WDR36: variants seen among roughly 807,000 people sequenced by gnomAD.
The protein encoded by WDR36 is WD repeat domain 36.
WDR36 carries 63 observed loss-of-function variants against 112.7 expected under a neutral mutation model. The observed-to-expected ratio is 0.56, with a 90% CI of 0.46 to 0.69. The LOEUF is 0.69. Ranked by LOEUF, WDR36 falls within the 30% of genes least tolerant of loss-of-function variation. The pLI is 0.00. For missense variants in WDR36, 1,226 were observed against 1,070.3 expected (o/e 1.15, Z -2.03); for synonymous variants, 410 against 362.2 (o/e 1.13, Z -1.50).
At chr5:111,113,945 C>G (rs116422235) in intron 16 of WDR36, among the ~76,000 whole-genome samples, 1 of 152,130 alleles carries the variant, frequency 6.6e-6, no homozygotes, top group Non-Finnish European at 1.5e-5. Flanking sequence ...TAAAGGCACT[C>G]CCTCTCAATA....
At chr5:111,109,495 C>G (rs1224752337) in intron 12 of WDR36, among the ~76,000 whole-genome samples, 1 of 151,058 alleles carries the variant, frequency 6.6e-6, no homozygotes, top group East Asian at 1.9e-4. Context: ...TATAAGTCAT[C>G]TGTTTAGATG....
chr5:111,120,626 T>G (rs772235667), intron 18 of WDR36, 33 bp downstream of exon 18: 1 of 1,540,828 alleles, frequency 6.5e-7, no homozygotes, highest in Non-Finnish European at 9.0e-7. Context: ...ATTTTTGAGG[T>G]GTAATATTAT....
At chr5:111,106,357 G>C (rs1016851587) in intron 11 of WDR36, among the ~76,000 whole-genome samples, 15 of 151,400 alleles carry the variant, frequency 9.9e-5, no homozygotes, top group South Asian at 2.1e-4. Flanking sequence ...TTGCTCTTCT[G>C]TATAACAGGT....
chr5:111,125,912 C>CA, intron 22 of WDR36, 117 bp downstream of exon 22: 1 of 984,704 alleles, frequency 1.0e-6, no homozygotes, highest in Non-Finnish European at 1.6e-6. Context: ...GTATCATAGC[C>CA]ACTTGCCACA....
At position 111,113,050 on chromosome 5, in the gene WDR36, ATATTT is replaced by A; in HGVS notation, c.1717-22_1717-18del. ...ATATATAAATAATATATATATATAT[ATATTT>A]TTTTTTTTTAATTTAAAGGCTTTTA... On this transcript the variant is annotated intron_variant, in intron 15 of 22. Transcript: ENST00000513710. 2.0e-4 allele frequency: 92 copies of A among 466,756 alleles called. No individual in the cohort carries two copies. The highest frequency in any genetic ancestry group is 2.2e-4 in the Non-Finnish European group (71 of 326,646). 28.9% of individuals were successfully genotyped at this position (466,756 alleles called of 1,614,324 possible).
intron 4 of WDR36, among the ~76,000 whole-genome samples, chr5:111,099,458 T>G (rs1325373825): frequency 9.8e-4 from 64 of 65,234 alleles, no homozygotes; most frequent in South Asian, 5.9e-3. Flanking sequence ...TTTGTTTTTT[T>G]TTTTGTTTTT....
intron 2 of WDR36, chr5:111,095,212 C>A (rs953231755): frequency 1.5e-5 from 6 of 394,508 alleles, no homozygotes; most frequent in Non-Finnish European, 2.3e-5. Context: ...TTGAAGAGTA[C>A]AGGCTCATTT....
intron 17 of WDR36, among the ~76,000 whole-genome samples, chr5:111,119,567 C>T (rs548986142): frequency 2.6e-5 from 4 of 151,986 alleles, no homozygotes; most frequent in Non-Finnish European, 4.4e-5. Context: ...CTTTTATAAC[C>T]GTGTAAAGAT....
intron 20 of WDR36, 69 bp from the exon 21 acceptor site, chr5:111,124,039 A>C (rs1051966312): frequency 6.2e-7 from 1 of 1,601,734 alleles, no homozygotes; most frequent in African/African-American, 1.3e-5. Context: ...GATAGCTTTT[A>C]ATTACAAACT....
chr5:111,092,781 G>C (rs994980403), intron 1 of WDR36, among the ~76,000 whole-genome samples, 163 bp downstream of exon 1: 1 of 152,280 alleles, frequency 6.6e-6, no homozygotes, highest in Non-Finnish European at 1.5e-5. Flanking sequence ...TCCACGTGCT[G>C]ATTTGGCACT....
chr5:111,106,178 C>T (rs774807110), intron 11 of WDR36, 35 bp downstream of exon 11: 3 of 1,531,364 alleles, frequency 2.0e-6, no homozygotes, highest in Admixed American at 1.7e-5. Context: ...GAGAAGTTCT[C>T]CTTTGTCATT....
chr5:111,125,885 T>C, intron 22 of WDR36, 90 bp downstream of exon 22: 5 of 1,339,254 alleles, frequency 3.7e-6, no homozygotes, highest in South Asian at 1.2e-5. Context: ...GGGTATGCTG[T>C]ATATCCATCC....
intron 2 of WDR36, 70 bp from the exon 3 acceptor site, chr5:111,097,009 T>C: frequency 9.7e-7 from 1 of 1,031,254 alleles, no homozygotes; most frequent in Non-Finnish European, 1.5e-6. Context: ...AAAAATGTTA[T>C]ATGTATACTT....
At chr5:111,098,869 C>T (rs753999548) in intron 4 of WDR36, 30 bp downstream of exon 4, 1 of 1,396,734 alleles carries the variant, frequency 7.2e-7, no homozygotes. Context: ...TTTGCTTTAT[C>T]TTAGGGTAGT....
Position 111,097,124 on chromosome 5 carries a change from G to T in WDR36, c.236G>T (p.Arg79Ile). The T allele has an allele frequency of 1.9e-6, 3 of 1,613,768 alleles. No individual in the cohort carries two copies. The highest frequency in any genetic ancestry group is 2.5e-6 in the Non-Finnish European group (3 of 1,179,838). ...QDICCMAADGRLVFAAYGNVF... is the reference protein window; with the variant it reads ...QDICCMAADGILVFAAYGNVF... The stretch of plus-strand genomic sequence containing the variant: ...ATCTGCTGTATGGCAGCTGATGGCA[G>T]ATTAGTCTTTGCTGCTTATGGAAAT... The change falls in exon 3 of 23, where the codon AGA becomes ATA. Residue 79 changes from arginine (R) to isoleucine (I), a missense_variant. Arg to Ile is a moderately conservative substitution (Grantham distance 97). Coordinates refer to ENST00000513710, the MANE Select transcript of WDR36 (RefSeq NM_139281.3).
chr5:111,101,773 C>G (rs983354870), intron 5 of WDR36, among the ~76,000 whole-genome samples: 1 of 151,790 alleles, frequency 6.6e-6, no homozygotes, highest in East Asian at 1.9e-4. Flanking sequence ...CATTGACTGC[C>G]TACTTTGTGC....
At chr5:111,110,666 A>C in intron 13 of WDR36, 122 bp from the exon 14 acceptor site, 1 of 1,095,984 alleles carries the variant, frequency 9.1e-7, no homozygotes, top group Non-Finnish European at 1.3e-6. Context: ...ATTAATTTCA[A>C]GATTTTAAAG....
At chr5:111,102,513 A>T in intron 6 of WDR36, 114 bp downstream of exon 6, 5 of 1,060,744 alleles carry the variant, frequency 4.7e-6, no homozygotes, top group Non-Finnish European at 7.2e-6. Context: ...AGCTTAGTTT[A>T]CCTTTAAAAT....
In WDR36 at chr5:111,128,220, C is replaced by A. The variant is rs1692759914; in HGVS notation, c.*1337C>A. ...TTTGAATATGAACACCAGTAGCATTCTCGTTCGTTGTTAGGGTAAGAGAGT... is the reference window on the plus strand; with the variant it reads ...TTTGAATATGAACACCAGTAGCATTATCGTTCGTTGTTAGGGTAAGAGAGT... On this transcript the variant is annotated 3_prime_UTR_variant, in exon 23 of 23. Coordinates refer to ENST00000513710, the MANE Select transcript of WDR36 (RefSeq NM_139281.3). 1 of 189,702 alleles carries A rather than the reference C, an allele frequency of 5.3e-6. No individual in the cohort carries two copies. The highest frequency in any genetic ancestry group is 1.9e-4 in the South Asian group (1 of 5,164). 11.8% of individuals were successfully genotyped at this position (189,702 alleles called of 1,614,324 possible).
Sources: allele counts gnomAD v4.1 joint callset (sites outside exome capture counted in the v4.1 genomes callset), GRCh38; gene constraint gnomAD v4.1.1; transcripts MANE v1.5; gene names NCBI Gene and HGNC (gene_info 2026-07-23, HGNC 2026-07-21).